GABRB2: variants seen among roughly 807,000 people sequenced by gnomAD.
The protein encoded by GABRB2 is gamma-aminobutyric acid type A receptor subunit beta2, also known as gamma-aminobutyric acid receptor subunit beta-2.
GABRB2 carries 16 observed loss-of-function variants against 54.7 expected under a neutral mutation model. The ratio of observed to expected loss-of-function variants is 0.29; its 90% CI spans 0.20 to 0.44. GABRB2 has a LOEUF of 0.44. Among genes scored for constraint, GABRB2 ranks in the 20% least tolerant of loss-of-function variants. The probability of loss-of-function intolerance (pLI) is 1.00; values close to 1 mark genes in which losing one functional copy is unlikely to be tolerated. For synonymous variants in GABRB2, 244 were observed against 233.8 expected, an observed-to-expected ratio of 1.04 and a Z score of -0.40; for missense variants, 355 against 644.0, an observed-to-expected ratio of 0.55 and a Z score of 4.86.
chr5:161,322,929 A>C (rs1196627223), intron 9 of GABRB2, among the ~76,000 whole-genome samples: 1 of 151,954 alleles, frequency 6.6e-6, no homozygotes, highest in Non-Finnish European at 1.5e-5. Context: ...TTGGTGAGAA[A>C]ATATTTTGTT....
intron 3 of GABRB2, among the ~76,000 whole-genome samples, chr5:161,493,811 T>C (rs1014914578): frequency 1.3e-5 from 2 of 151,760 alleles, no homozygotes; most frequent in Non-Finnish European, 3.0e-5. Context: ...TCATGGACTA[T>C]CTTTTTAGAA....
intron 3 of GABRB2, among the ~76,000 whole-genome samples, chr5:161,526,036 A>G (rs1300934410): frequency 2.0e-5 from 3 of 151,324 alleles, no homozygotes; most frequent in African/African-American, 7.3e-5. Flanking sequence ...TCAAAGGTAC[A>G]TTTGATATAA....
chr5:161,291,221 G>GA lies in GABRB2; in HGVS notation c.*2859dup, dbSNP rs887873024. 5.9e-5 allele frequency: 9 copies of GA among 152,374 alleles called. No homozygotes were observed. Among genetic ancestry groups the GA allele is most frequent in the African/African-American group, 1.9e-4 (8 of 41,388 alleles). The allele number at this position is 152,374 out of a possible 1,614,324, so 9.4% of individuals were successfully genotyped here. On this transcript the variant is annotated 3_prime_UTR_variant, in exon 10 of 10. Transcript: ENST00000393959. ...ATTTGTCCATGAATTTCACAAAGAT[G>GA]AAAAAACACCTTAATTGCTGGCTAT... is the stretch of plus-strand genomic sequence containing the variant.
At chr5:161,434,194 T>C (rs1757249913) in intron 4 of GABRB2, among the ~76,000 whole-genome samples, 1 of 152,176 alleles carries the variant, frequency 6.6e-6, no homozygotes, top group Non-Finnish European at 1.5e-5. Flanking sequence ...ATGTTAATAT[T>C]ATATGGCTTA....
intron 9 of GABRB2, among the ~76,000 whole-genome samples, chr5:161,299,132 T>C (rs1757464988): frequency 6.6e-6 from 1 of 152,198 alleles, no homozygotes; most frequent in Admixed American, 6.5e-5. Context: ...CAGTTAAATA[T>C]GTCACTAAAT....
At chr5:161,469,800 C>T (rs1029958364) in intron 3 of GABRB2, among the ~76,000 whole-genome samples, 1 of 151,930 alleles carries the variant, frequency 6.6e-6, no homozygotes, top group African/African-American at 2.4e-5. Context: ...AAGGATTCTT[C>T]TGCAAAAGCT....
At position 161,474,796 on chromosome 5, in the gene GABRB2, T is replaced by C. The variant is rs1170645267; in HGVS notation, c.238-14952A>G. ...TTTCTCTAACTACATTCAAAATAAA[T>C]TGGTTTTTATATCTGCTCATAACTT... is the stretch of plus-strand genomic sequence containing the variant. On this transcript the variant is annotated intron_variant, in intron 3 of 9. Transcript: ENST00000393959. Among the ~76,000 whole-genome samples, 7 of 152,070 alleles carry C rather than the reference T, an allele frequency of 4.6e-5. No homozygotes were observed. The East Asian group carries it at 1.2e-3, about 25-fold the overall frequency.
At chr5:161,470,284 A>G (rs1758400751) in intron 3 of GABRB2, among the ~76,000 whole-genome samples, 1 of 151,970 alleles carries the variant, frequency 6.6e-6, no homozygotes. Flanking sequence ...AAACTACACA[A>G]TAGCCCCCAC....
Position 161,346,232 on chromosome 5 carries a change from C to G in GABRB2, c.542-9463G>C, listed in dbSNP as rs575583152. Among the ~76,000 whole-genome samples, 45 of 152,182 alleles carry G rather than the reference C, an allele frequency of 3.0e-4. No homozygotes were observed. In the South Asian group the frequency reaches 8.5e-3, roughly 29 times the overall value. ...TGAAGAAAAACTTCCTTTGAATGGCCATGACCCTCTGATAATAACTTTCAC... is the reference window on the plus strand; with the variant it reads ...TGAAGAAAAACTTCCTTTGAATGGCGATGACCCTCTGATAATAACTTTCAC... On this transcript the variant is annotated intron_variant, in intron 5 of 9. Transcript: ENST00000393959.
chr5:161,508,164 C>T (rs1759666100), intron 3 of GABRB2, among the ~76,000 whole-genome samples: 1 of 151,506 alleles, frequency 6.6e-6, no homozygotes, highest in South Asian at 2.1e-4. Flanking sequence ...TAAGAGATTT[C>T]TAGATATAAA....
intron 3 of GABRB2, among the ~76,000 whole-genome samples, chr5:161,534,243 T>C (rs1174737626): frequency 6.6e-6 from 1 of 152,150 alleles, no homozygotes; most frequent in African/African-American, 2.4e-5. Context: ...ATCCATTAGG[T>C]AGAAGCAAGG....
intron 4 of GABRB2, among the ~76,000 whole-genome samples, chr5:161,416,864 T>A (rs1408942250): frequency 3.3e-5 from 5 of 151,956 alleles, no homozygotes; most frequent in Non-Finnish European, 7.4e-5. Flanking sequence ...CCAGCATTAG[T>A]GGGCATCAGT....
chr5:161,357,224 T>C (rs532714266), intron 5 of GABRB2, among the ~76,000 whole-genome samples: 1 of 152,234 alleles, frequency 6.6e-6, no homozygotes, highest in East Asian at 1.9e-4. Context: ...ATTGGCAAGC[T>C]GACATAAATG....
intron 3 of GABRB2, among the ~76,000 whole-genome samples, chr5:161,494,493 C>T (rs955786909): frequency 6.6e-6 from 1 of 151,544 alleles, no homozygotes; most frequent in Non-Finnish European, 1.5e-5. Flanking sequence ...CACATTTACA[C>T]TCACAATTTA....
intron 3 of GABRB2, among the ~76,000 whole-genome samples, chr5:161,516,384 T>C (rs1000803189): frequency 1.3e-5 from 2 of 151,198 alleles, no homozygotes; most frequent in Non-Finnish European, 3.0e-5. Flanking sequence ...GGAAATTATG[T>C]GAGTTCGCCT....
rs147492004 is a variant in GABRB2 at position 161,495,027 on chromosome 5, T to C, written c.238-35183A>G. On this transcript the variant is annotated intron_variant, in intron 3 of 9. Coordinates refer to ENST00000393959, the MANE Select transcript of GABRB2 (RefSeq NM_001371727.1). ...TCTAATTGAATTACAAAAGATTCCT[T>C]ATTTAAAGTGGTTGCTGTTGTGATT... Among the ~76,000 whole-genome samples the C allele has an allele frequency of 4.8e-3, 727 of 152,116 alleles. 7 individuals are homozygous for C. The highest frequency in any genetic ancestry group is 0.017 in the African/African-American group (701 of 41,560).
intron 3 of GABRB2, among the ~76,000 whole-genome samples, chr5:161,539,508 C>T (rs1169154829): frequency 6.6e-6 from 1 of 152,178 alleles, no homozygotes; most frequent in Non-Finnish European, 1.5e-5. Context: ...GCTACTATAA[C>T]TAGCCAAGTC....
At chr5:161,463,588 T>G (rs1438125969) in intron 3 of GABRB2, among the ~76,000 whole-genome samples, 7 of 119,194 alleles carry the variant, frequency 5.9e-5, no homozygotes, top group South Asian at 5.6e-4. Context: ...TATATATATA[T>G]ATATATATAT....
chr5:161,515,785 T>C (rs1017135977), intron 3 of GABRB2, among the ~76,000 whole-genome samples: 2 of 152,210 alleles, frequency 1.3e-5, no homozygotes, highest in Non-Finnish European at 2.9e-5. Flanking sequence ...AATAGCTTCA[T>C]TTGATAAGTA....
Sources: gnomAD v4.1 joint callset for allele counts (sites outside exome capture counted in the v4.1 genomes callset) on GRCh38, gnomAD v4.1.1 for gene constraint, MANE v1.5 for transcripts, NCBI Gene and HGNC (gene_info 2026-07-23, HGNC 2026-07-21) for gene names.